Variants in ACAN observed in about 807,000 individuals in gnomAD.
The protein encoded by ACAN is aggrecan.
ACAN carries 47 observed loss-of-function variants against 169.1 expected under a neutral mutation model. That is an observed-to-expected ratio of 0.28 (90% CI 0.22 to 0.35). The LOEUF (loss-of-function observed/expected upper bound fraction) is 0.35. Ranked by LOEUF, ACAN falls within the 10% of genes least tolerant of loss-of-function variation. The pLI, the probability that ACAN is intolerant of heterozygous loss-of-function variation, is 1.00. For synonymous variants in ACAN, 1,115 were observed against 1,112.2 expected, an observed-to-expected ratio of 1.00 and a Z score of -0.05; for missense variants, 2,716 against 2,759.9, an observed-to-expected ratio of 0.98 and a Z score of 0.36.
Position 88,845,619 on chromosome 15 carries a change from C to T in ACAN, c.1166C>T (p.Thr389Ile). ...DMELPLPRNITEGEARGSVIL... is the reference protein window; with the variant it reads ...DMELPLPRNIIEGEARGSVIL... ...GAGCTGCCACTGCCTCGAAACATCACTGAGGGTGAAGCCCGAGGCAGCGTG... is the reference window on the plus strand; with the variant it reads ...GAGCTGCCACTGCCTCGAAACATCATTGAGGGTGAAGCCCGAGGCAGCGTG... Residue 389 changes from threonine (T) to isoleucine (I), a missense_variant, in exon 7 of 19, where the codon ACT (threonine) becomes ATT (isoleucine). Around this residue, in one of 3 missense-constraint regions of ACAN, gnomAD observed 1,283 missense variants for 1,281.5 expected, o/e 1.00. Coordinates refer to ENST00000560601, the MANE Select transcript of ACAN (RefSeq NM_001369268.1). 6.2e-7 allele frequency: 1 copy of T among 1,614,078 alleles called. No individual in the cohort carries two copies. The highest frequency in any genetic ancestry group is 8.5e-7 in the Non-Finnish European group (1 of 1,179,906).
chr15:88,841,639 T>C (rs1304928352), intron 4 of ACAN, 101 bp from the exon 5 acceptor site: 4 of 1,438,764 alleles, frequency 2.8e-6, no homozygotes, highest in Non-Finnish European at 3.9e-6. Context: ...AATGCAATAT[T>C]AAGTTGCTGT....
At position 88,860,402 on chromosome 15, in the gene ACAN, G is replaced by C. The variant is rs1897170914; in HGVS notation, c.6909G>C (p.Leu2303=). Residue 2303 remains leucine, a synonymous_variant, in exon 13 of 19, where the codon CTG becomes CTC. Coordinates refer to ENST00000560601, the MANE Select transcript of ACAN (RefSeq NM_001369268.1). ...CKETEGHVIC[L]CPPGYTGEHC... Reference sequence around the variant, plus strand: ...AGACAGAGGGACACGTCATATGCCTGTGCCCCCCTGGCTACACTGGCGAGC... The same window carrying C: ...AGACAGAGGGACACGTCATATGCCTCTGCCCCCCTGGCTACACTGGCGAGC... 1 of 1,613,670 alleles carries C rather than the reference G, an allele frequency of 6.2e-7. No homozygotes were observed. The highest frequency in any genetic ancestry group is 1.3e-5 in the African/African-American group (1 of 75,026).
Position 88,839,114 on chromosome 15 carries a change from C to T in ACAN, c.454+68C>T. 6.5e-7 allele frequency: 1 copy of T among 1,549,932 alleles called. No homozygotes were observed. The highest frequency in any genetic ancestry group is 8.7e-7 in the Non-Finnish European group (1 of 1,153,976). On this transcript the variant is annotated intron_variant, in intron 3 of 18. Transcript: ENST00000560601. The surrounding 1 kb of genome is among the most constrained non-coding windows in gnomAD (Gnocchi z 4.5). ...AAGAACCAGAGCAGTCTCCGCAGTG[C>T]AGGCGCAGGCAGGCTGGCCTTCAAA...
At chr15:88,829,643 T>A (rs1374080141) in intron 1 of ACAN, among the ~76,000 whole-genome samples, 1 of 152,188 alleles carries the variant, frequency 6.6e-6, no homozygotes, top group Admixed American at 6.5e-5. Context: ...AAATAAGTGA[T>A]GTGCTGGTGA....
chr15:88,816,602 G>A (rs1382341491), intron 1 of ACAN, among the ~76,000 whole-genome samples: 7 of 152,168 alleles, frequency 4.6e-5, no homozygotes, highest in Non-Finnish European at 7.3e-5. Context: ...GTAGGACCAG[G>A]ACTTGAACTC....
At position 88,870,140 on chromosome 15, in the gene ACAN, G is replaced by A. The variant is rs1272155039; in HGVS notation, c.7061-1242G>A. Among the ~76,000 whole-genome samples the A allele has an allele frequency of 6.6e-6, 1 of 152,170 alleles. No homozygotes were observed. Among genetic ancestry groups the A allele is most frequent in the African/African-American group, 2.4e-5 (1 of 41,438 alleles). ...CCTCCACGGCCCCTCCTACAGCTCT[G>A]TTCTTTCTTCTCAAGCTGCTGACCC... On this transcript the variant is annotated intron_variant, in intron 14 of 18. Transcript: ENST00000560601. This position sits in a 1 kb window ranked among gnomAD's most constrained non-coding sequence, Gnocchi z 6.3.
chr15:88,859,447 G>A (rs1418441891), intron 12 of ACAN, 30 bp downstream of exon 12: 1 of 1,551,478 alleles, frequency 6.4e-7, no homozygotes, highest in African/African-American at 1.4e-5. Flanking sequence ...CTTTAAATGT[G>A]CTTAGGTAGT....
chr15:88,852,138 G>T, intron 11 of ACAN, 105 bp downstream of exon 11: 1 of 1,460,634 alleles, frequency 6.8e-7, no homozygotes. Context: ...GATTTGTGCT[G>T]TTTCCCCAGC....
chr15:88,845,107 G>A (rs1357620688), intron 6 of ACAN, among the ~76,000 whole-genome samples: 1 of 152,182 alleles, frequency 6.6e-6, no homozygotes, highest in Non-Finnish European at 1.5e-5. Context: ...AAGATTTTCT[G>A]ATTTCTCCTT....
In ACAN at chr15:88,868,052, GGCAGCA is replaced by G. The variant is rs541175678; in HGVS notation, c.6947-145_6947-140del. Among the ~76,000 whole-genome samples, 1 of 151,982 alleles carries G rather than the reference GGCAGCA, an allele frequency of 6.6e-6. No individual in the cohort carries two copies. Among genetic ancestry groups the G allele is most frequent in the South Asian group, 2.1e-4 (1 of 4,806 alleles). On this transcript the variant is annotated intron_variant, in intron 13 of 18. Coordinates refer to ENST00000560601, the MANE Select transcript of ACAN (RefSeq NM_001369268.1). The surrounding 1 kb of genome is among the most constrained non-coding windows in gnomAD (Gnocchi z 5.2). Reference sequence around the variant, plus strand: ...GATCTTTGCTTCAGCACTCCAAGATGGCAGCAGCAGCAGCAGCAGCAGCAACAGTTC... The same window carrying G: ...GATCTTTGCTTCAGCACTCCAAGATGGCAGCAGCAGCAGCAGCAACAGTTC...
chr15:88,813,970 G>A (rs139598212), intron 1 of ACAN, among the ~76,000 whole-genome samples: 225 of 152,284 alleles, frequency 1.5e-3, no homozygotes, highest in African/African-American at 5.0e-3. Context: ...GGTGACTCTG[G>A]CACATTGGTA....
rs928798344 is a variant in ACAN at position 88,874,812 on chromosome 15, AAAG to A, written c.*336_*338del. On this transcript the variant is annotated 3_prime_UTR_variant, in exon 19 of 19. Transcript: ENST00000560601. The surrounding 1 kb of genome is among the most constrained non-coding windows in gnomAD (Gnocchi z 7.3). ...GAGAAGGGGAGGGGTTAAGTTAAATAAAGAAGATTATTTTTGTTTCCTGACTTT... is the reference window on the plus strand; with the variant it reads ...GAGAAGGGGAGGGGTTAAGTTAAATAAAGATTATTTTTGTTTCCTGACTTT... The A allele has an allele frequency of 7.7e-6, 3 of 387,424 alleles. No individual in the cohort carries two copies. The highest frequency in any genetic ancestry group is 4.2e-5 in the African/African-American group (2 of 47,932). 24.0% of individuals were successfully genotyped at this position (387,424 alleles called of 1,614,324 possible).
At chr15:88,845,951 C>T in intron 7 of ACAN, 69 bp downstream of exon 7, 8 of 1,419,060 alleles carry the variant, frequency 5.6e-6, no homozygotes, top group South Asian at 3.3e-5. Context: ...AAGGGATTCC[C>T]GCAGTTGAAG....
chr15:88,842,516 C>G (rs868848815), intron 5 of ACAN, among the ~76,000 whole-genome samples: 5 of 44,704 alleles, frequency 1.1e-4, no homozygotes, highest in South Asian at 5.0e-4. Flanking sequence ...GCCCATCCCC[C>G]CTCCCCCCTA....
rs1410577378 is a variant in ACAN, at chr15:88,874,452, C to T, written c.7678C>T (p.Arg2560Trp). The T allele has an allele frequency of 9.3e-6, 15 of 1,606,402 alleles. No homozygotes were observed. Among genetic ancestry groups the T allele is most frequent in the Non-Finnish European group, 1.2e-5 (14 of 1,176,978 alleles). The part of the protein sequence containing the change: ...RLQKRSSRHP[R>W]RSRPSTAH ...ACAGAAGCGGAGCTCACGGCACCCT[C>T]GGAGGAGCCGCCCCAGCACAGCCCA... Residue 2560 changes from arginine (R) to tryptophan (W), a missense_variant, in exon 19 of 19, where the codon CGG becomes TGG. Arg to Trp is a moderately radical substitution (Grantham distance 101). Transcript: ENST00000560601. The surrounding 1 kb of genome is among the most constrained non-coding windows in gnomAD (Gnocchi z 7.3).
chr15:88,829,510 C>T (rs1896307184), intron 1 of ACAN, among the ~76,000 whole-genome samples: 1 of 152,158 alleles, frequency 6.6e-6, no homozygotes, highest in South Asian at 2.1e-4. Context: ...GGCCTTTTCC[C>T]TATGCTGGGT....
At chr15:88,821,567 T>C (rs1896076852) in intron 1 of ACAN, among the ~76,000 whole-genome samples, 1 of 152,142 alleles carries the variant, frequency 6.6e-6, no homozygotes, top group African/African-American at 2.4e-5. Flanking sequence ...TGGTGAGTGT[T>C]TGACAGAGGA....
In ACAN at chr15:88,871,568, G is replaced by A. The variant is rs757261302; in HGVS notation, c.7219+28G>A. The A allele has an allele frequency of 6.3e-7, 1 of 1,594,884 alleles. No individual in the cohort carries two copies. Among genetic ancestry groups the A allele is most frequent in the South Asian group, 1.1e-5 (1 of 88,600 alleles). On this transcript the variant is annotated intron_variant, in intron 15 of 18. Transcript: ENST00000560601. This position sits in a 1 kb window ranked among gnomAD's most constrained non-coding sequence, Gnocchi z 7.8. ...GAGTGCGGCGGGGCCTCTGGAGCCT[G>A]AGAGGAGAGTGGCGGTGTAGGCAAA...
chr15:88,863,378 C>G (rs563451159), intron 13 of ACAN, among the ~76,000 whole-genome samples: 1 of 152,164 alleles, frequency 6.6e-6, no homozygotes, highest in Non-Finnish European at 1.5e-5. Context: ...ACCTGGAGTG[C>G]TTTTAAAAAG....
Sources: allele counts gnomAD v4.1 joint callset (sites outside exome capture counted in the v4.1 genomes callset), GRCh38; gene constraint gnomAD v4.1.1; regional missense constraint gnomAD v4.1.1; non-coding constraint Gnocchi (gnomAD v3.1); transcripts MANE v1.5; gene names NCBI Gene and HGNC (gene_info 2026-07-23, HGNC 2026-07-21).